APP: variants seen among roughly 807,000 people sequenced by gnomAD.
The protein encoded by APP is amyloid-beta precursor protein.
A neutral mutation model predicts 101.4 loss-of-function variants in APP; 31 were observed. That is an observed-to-expected ratio of 0.31 (90% CI 0.23 to 0.41). APP has a LOEUF of 0.41. Among genes scored for constraint, APP ranks in the 10% least tolerant of loss-of-function variants. APP has a pLI of 1.00. For synonymous variants in APP, 366 were observed against 364.4 expected (o/e 1.00, Z -0.05); for missense variants, 839 against 1,003.7 (o/e 0.84, Z 2.22).
chr21:26,129,887 T>C (rs2062757719), intron 1 of APP, among the ~76,000 whole-genome samples: 1 of 152,216 alleles, frequency 6.6e-6, no homozygotes, highest in South Asian at 2.1e-4. Flanking sequence ...CTGAATTAAA[T>C]TTTCCTTCCT....
intron 8 of APP, 83 bp downstream of exon 8, chr21:25,997,277 A>G: frequency 7.7e-7 from 1 of 1,304,504 alleles, no homozygotes; most frequent in Non-Finnish European, 1.1e-6. Flanking sequence ...AAACCATGCA[A>G]AGAAGGTGAT....
At chr21:26,046,840 C>T (rs1343631558) in intron 5 of APP, among the ~76,000 whole-genome samples, 3 of 152,130 alleles carry the variant, frequency 2.0e-5, no homozygotes, top group Admixed American at 6.5e-5. Flanking sequence ...GGCTAGGCTG[C>T]CTACCTGGCT....
In APP at chr21:26,133,279, G is replaced by T. The variant is rs567452323; in HGVS notation, c.58-21133C>A. Reference sequence around the variant, plus strand: ...AACATCTGACAGTTCCTGAGTAATCGGCAGCCTACGTAAGGAACCTATTAA... The same window carrying T: ...AACATCTGACAGTTCCTGAGTAATCTGCAGCCTACGTAAGGAACCTATTAA... On this transcript the variant is annotated intron_variant, in intron 1 of 17. Coordinates refer to ENST00000346798, the MANE Select transcript of APP (RefSeq NM_000484.4). Among the ~76,000 whole-genome samples, 77 of 152,146 alleles carry T rather than the reference G, an allele frequency of 5.1e-4. 1 individual carries two copies. The highest frequency in any genetic ancestry group is 6.8e-3 in the Middle Eastern group (2 of 294).
intron 5 of APP, among the ~76,000 whole-genome samples, chr21:26,030,433 A>AT (rs1027684326): frequency 1.1e-4 from 17 of 152,290 alleles, no homozygotes; most frequent in Non-Finnish European, 2.1e-4. Flanking sequence ...ATGTTCTTAG[A>AT]TTTTAGAGAC....
chr21:26,011,569 C>T lies in APP; in HGVS notation c.865+10271G>A, dbSNP rs117018782. On this transcript the variant is annotated intron_variant, in intron 6 of 17. Transcript: ENST00000346798. ...TCCTACAATGCACAGGACAATCATC[C>T]GCAACAATTATCTGGCCCAAAACAT... 6.8e-3 allele frequency among the ~76,000 whole-genome samples: 1,039 copies of T among 152,086 alleles called. 6 individuals are homozygous for T. Among genetic ancestry groups the T allele is most frequent in the Non-Finnish European group, 9.9e-3 (674 of 67,992 alleles).
intron 1 of APP, among the ~76,000 whole-genome samples, chr21:26,170,092 G>A (rs551810085): frequency 2.6e-5 from 4 of 152,298 alleles, no homozygotes; most frequent in African/African-American, 9.6e-5. Context: ...TTCCTGGGCT[G>A]TCCCGACTCC....
chr21:26,137,187 C>A (rs2062939857), intron 1 of APP, among the ~76,000 whole-genome samples: 1 of 152,216 alleles, frequency 6.6e-6, no homozygotes, highest in African/African-American at 2.4e-5. Context: ...CTCGGCCTCC[C>A]AAAGTGCTGG....
chr21:25,929,783 A>G (rs1315382491), intron 13 of APP, among the ~76,000 whole-genome samples: 1 of 152,186 alleles, frequency 6.6e-6, no homozygotes. Flanking sequence ...TCTTGCACGC[A>G]TTTTTATAAA....
intron 8 of APP, among the ~76,000 whole-genome samples, chr21:25,984,362 G>A (rs1198122097): frequency 2.0e-5 from 3 of 151,968 alleles, no homozygotes; most frequent in Non-Finnish European, 2.9e-5. Flanking sequence ...ATCACAAAGT[G>A]CAACCTACAG....
intron 5 of APP, among the ~76,000 whole-genome samples, chr21:26,027,656 G>T (rs148574312): frequency 1.3e-5 from 2 of 152,156 alleles, no homozygotes; most frequent in Non-Finnish European, 2.9e-5. Flanking sequence ...CAGGGGCCAG[G>T]AGAGAGGATT....
chr21:26,002,458 G>A (rs1218210976), intron 6 of APP, among the ~76,000 whole-genome samples: 1 of 25,644 alleles, frequency 3.9e-5, no homozygotes, highest in African/African-American at 1.5e-4. Flanking sequence ...AACATCTACA[G>A]CTTCACTTTG....
intron 4 of APP, among the ~76,000 whole-genome samples, chr21:26,052,415 C>T (rs1171649806): frequency 6.6e-6 from 1 of 152,158 alleles, no homozygotes; most frequent in African/African-American, 2.4e-5. Context: ...GCACTATGAG[C>T]TAGATAAAGG....
chr21:25,942,775 A>AAT (rs2040631002), intron 13 of APP: 1 of 152,132 alleles, frequency 6.6e-6, no homozygotes, highest in Non-Finnish European at 1.5e-5. Context: ...TATCATGGTA[A>AAT]ATATATATAA....
intron 1 of APP, among the ~76,000 whole-genome samples, chr21:26,148,434 T>C (rs2063197493): frequency 6.6e-6 from 1 of 152,190 alleles, no homozygotes; most frequent in Admixed American, 6.5e-5. Flanking sequence ...CAGGGTTCAC[T>C]GAGAAGAGGA....
intron 5 of APP, among the ~76,000 whole-genome samples, chr21:26,043,243 C>CT (rs11304862): frequency 3.0e-4 from 44 of 146,974 alleles, no homozygotes; most frequent in Non-Finnish European, 4.5e-4. Context: ...CTTTTCTTTT[C>CT]TTTTTTTTTT....
chr21:26,145,200 C>T (rs1244058781), intron 1 of APP, among the ~76,000 whole-genome samples: 1 of 152,110 alleles, frequency 6.6e-6, no homozygotes, highest in Non-Finnish European at 1.5e-5. Context: ...GTCCTACATT[C>T]AAGATGTGCC....
chr21:26,040,621 A>T (rs1037319562), intron 5 of APP, among the ~76,000 whole-genome samples: 5 of 150,366 alleles, frequency 3.3e-5, no homozygotes, highest in African/African-American at 1.2e-4. Flanking sequence ...AAAAAAAAAA[A>T]AGCTGAGTGT....
chr21:26,147,547 C>T (rs1245963466), intron 1 of APP, among the ~76,000 whole-genome samples: 4 of 152,024 alleles, frequency 2.6e-5, no homozygotes, highest in Admixed American at 1.3e-4. Flanking sequence ...TAATTTTAGA[C>T]CCAAGTATTT....
chr21:25,975,822 A>T, intron 10 of APP, 132 bp downstream of exon 10: 1 of 750,884 alleles, frequency 1.3e-6, no homozygotes, highest in Non-Finnish European at 2.4e-6. Flanking sequence ...GACAATGATT[A>T]AGAACAGCTG....
Sources: allele counts gnomAD v4.1 joint callset (sites outside exome capture counted in the v4.1 genomes callset), GRCh38; gene constraint gnomAD v4.1.1; transcripts MANE v1.5; gene names NCBI Gene and HGNC (gene_info 2026-07-23, HGNC 2026-07-21).